Variants in KIF24 observed in about 807,000 individuals in gnomAD.
The protein encoded by KIF24 is kinesin-like protein KIF24.
KIF24 carries 81 observed loss-of-function variants against 118.9 expected under a neutral mutation model. The observed-to-expected ratio is 0.68, with a 90% CI of 0.57 to 0.82. KIF24 has a LOEUF of 0.82. KIF24 is among the 40% of genes least tolerant of loss of function. The pLI, the probability that KIF24 is intolerant of heterozygous loss-of-function variation, is 0.00. For synonymous variants in KIF24, 599 were observed against 610.0 expected (o/e 0.98, Z 0.27); for missense variants, 1,560 against 1,661.6 (o/e 0.94, Z 1.06).
chr9:34,301,997 CTTTTTTT>C (rs778142590), intron 3 of KIF24, among the ~76,000 whole-genome samples: 1 of 137,666 alleles, frequency 7.3e-6, no homozygotes, highest in East Asian at 2.1e-4. Flanking sequence ...ATTTTTTTTT[CTTTTTTT>C]TTTTTTTTGA....
chr9:34,306,199 A>T, intron 3 of KIF24, 53 bp downstream of exon 3: 2 of 1,276,618 alleles, frequency 1.6e-6, no homozygotes, highest in African/African-American at 1.5e-5. Context: ...AAAGCAAAAA[A>T]AAATGACATA....
intron 1 of KIF24, among the ~76,000 whole-genome samples, chr9:34,312,974 C>T (rs1837218224): frequency 6.6e-6 from 1 of 152,256 alleles, no homozygotes; most frequent in Non-Finnish European, 1.5e-5. Flanking sequence ...GCTGGGATTA[C>T]AGGCGTGAGC....
At chr9:34,302,524 G>A (rs1836759317) in intron 3 of KIF24, among the ~76,000 whole-genome samples, 1 of 150,884 alleles carries the variant, frequency 6.6e-6, no homozygotes, top group African/African-American at 2.4e-5. Flanking sequence ...GGAGTGCAGT[G>A]GCGCAATCTC....
rs759975125 is a variant in KIF24 at position 34,254,418 on chromosome 9, C to T, written c.4069G>A (p.Gly1357Arg). Residue 1357 changes from glycine (G) to arginine (R), a missense_variant, in exon 13 of 13, where the codon GGG becomes AGG. Gly to Arg is a moderately radical substitution (Grantham distance 125). Transcript: ENST00000402558. Reference sequence around the variant, plus strand: ...GTTCCCTCAGGGGCTGCGGTGGGCCCGTGGCAGGTGAGATAGAGCTGCAGC... The same window carrying T: ...GTTCCCTCAGGGGCTGCGGTGGGCCTGTGGCAGGTGAGATAGAGCTGCAGC... ...SQLQLYLTCH[G>R]PTAAPEGTVP... The T allele has an allele frequency of 5.0e-6, 8 of 1,613,644 alleles. No individual in the cohort carries two copies. The highest frequency in any genetic ancestry group is 4.5e-5 in the East Asian group (2 of 44,888).
intron 3 of KIF24, among the ~76,000 whole-genome samples, chr9:34,298,548 A>T (rs1836574544): frequency 1.3e-5 from 2 of 151,844 alleles, no homozygotes; most frequent in African/African-American, 4.8e-5. Flanking sequence ...CCATCTCAAA[A>T]AAAAAAAAAA....
chr9:34,311,284 G>A lies in KIF24; in HGVS notation c.63C>T (p.Phe21=). The A allele has an allele frequency of 6.2e-7, 1 of 1,611,578 alleles. No individual in the cohort carries two copies. Among genetic ancestry groups the A allele is most frequent in the Non-Finnish European group, 8.5e-7 (1 of 1,178,510 alleles). Residue 21 remains phenylalanine, a synonymous_variant, in exon 2 of 13, where the codon TTC becomes TTT. Transcript: ENST00000402558. The stretch of plus-strand genomic sequence containing the variant: ...CTATTTTCTGAAGGCCAAGGGCAGT[G>A]AAATGAGAATAATACTGTGCAAGTT... ...EAELAQYYSH[F]TALGLQKIDE... is the part of the protein sequence containing the mutation.
At chr9:34,258,065 C>T in intron 10 of KIF24, 84 bp from the exon 11 acceptor site, 2 of 1,032,416 alleles carry the variant, frequency 1.9e-6, no homozygotes, top group Admixed American at 2.3e-5. Flanking sequence ...AAACAAAAAC[C>T]AAAGAAAAGT....
At position 34,311,158 on chromosome 9, in the gene KIF24, A is replaced by T. The variant is rs777683378; in HGVS notation, c.189T>A (p.Ile63=). The T allele has an allele frequency of 1.9e-6, 3 of 1,613,522 alleles. No homozygotes were observed. The highest frequency in any genetic ancestry group is 1.7e-4 in the Middle Eastern group (1 of 6,060). Reference sequence around the variant, plus strand: ...TGACTGCTTTATCTTCTTCTTGCATAATCTTAATAATTTTGATAAGTTGGA... The same window carrying T: ...TGACTGCTTTATCTTCTTCTTGCATTATCTTAATAATTTTGATAAGTTGGA... ...RLFQLIKIIK[I]MQEEDKAVSI... is the part of the protein sequence containing the mutation. Residue 63 remains isoleucine (I), a synonymous_variant, in exon 2 of 13, where the codon ATT becomes ATA. Coordinates refer to ENST00000402558, the MANE Select transcript of KIF24 (RefSeq NM_194313.4).
chr9:34,306,881 C>T (rs1465793195), intron 2 of KIF24, among the ~76,000 whole-genome samples: 2 of 151,942 alleles, frequency 1.3e-5, no homozygotes, highest in Non-Finnish European at 2.9e-5. Flanking sequence ...AAAGTGTCAA[C>T]CCTGAGAAAG....
At chr9:34,319,004 G>A (rs1837425124) in intron 1 of KIF24, 2 of 1,228,714 alleles carry the variant, frequency 1.6e-6, no homozygotes, top group Admixed American at 3.4e-5. Context: ...CGCCCTGCTT[G>A]TCAACACCAT....
At chr9:34,332,042 C>T (rs1405169739), upstream of KIF24, among the ~76,000 whole-genome samples, 3 of 152,208 alleles carry the variant, frequency 2.0e-5, no homozygotes, top group Non-Finnish European at 4.4e-5. Flanking sequence ...TTGCAATAGA[C>T]TTGTAACTGG....
At chr9:34,258,628 C>T (rs939000783) in intron 10 of KIF24, among the ~76,000 whole-genome samples, 10 of 152,192 alleles carry the variant, frequency 6.6e-5, no homozygotes, top group Non-Finnish European at 1.5e-4. Context: ...ATGCAGGGCC[C>T]ACACTGCTTC....
At chr9:34,271,959 C>A in intron 6 of KIF24, 29 bp from the exon 7 acceptor site, 1 of 1,559,750 alleles carries the variant, frequency 6.4e-7, no homozygotes, top group East Asian at 2.4e-5. Context: ...GGATGACTTC[C>A]CCAAGGAGTA....
chr9:34,290,258 TG>T lies in KIF24; in HGVS notation c.1042del (p.Gln348SerfsTer24). ...KDIFRQLEVS[Q>X]PRKHLFVWIS... ...CCACACAAAGAGGTGCTTTCTTGGC[TG>T]GGACACTTCTAGTTGCCTGAAGATA... On this transcript the variant is annotated frameshift_variant, in exon 5 of 13. Transcript: ENST00000402558. LOFTEE classifies it high-confidence loss of function. 2 of 1,613,974 alleles carry T rather than the reference TG, an allele frequency of 1.2e-6. No individual in the cohort carries two copies. Among genetic ancestry groups the T allele is most frequent in the Non-Finnish European group, 1.7e-6 (2 of 1,179,864 alleles).
At chr9:34,270,637 G>T (rs552802859) in intron 7 of KIF24, among the ~76,000 whole-genome samples, 1 of 150,306 alleles carries the variant, frequency 6.7e-6, no homozygotes, top group East Asian at 2.0e-4. Context: ...CGGGGTGGAT[G>T]TGAGGGCGAT....
rs34101674 is a variant in KIF24, at chr9:34,256,377, G to T, written c.3230C>A (p.Thr1077Lys). 0.012 allele frequency: 18,816 copies of T among 1,613,876 alleles called. 171 individuals are homozygous for T. Among genetic ancestry groups the T allele is most frequent in the Middle Eastern group, 0.058 (353 of 6,062 alleles). ...TGTGCTCTCTGCCACTAGACTGTGC[G>T]TAGCCCCATCCTGGACCAGCTGCTC... ...PSEQLVQDGA[T>K]HSLVAESTGG... The change falls in exon 11 of 13, where the codon ACG becomes AAG. Residue 1077 changes from threonine to lysine, a missense_variant. This residue lies in a region of KIF24 where 591 missense variants were observed against 655.6 expected (regional missense o/e 0.90). Transcript: ENST00000402558.
chr9:34,318,958 G>A lies in KIF24; in HGVS notation c.-25-7587C>T. 1 of 1,456,272 alleles carries A rather than the reference G, an allele frequency of 6.9e-7. No homozygotes were observed. Among genetic ancestry groups the A allele is most frequent in the Non-Finnish European group, 9.6e-7 (1 of 1,042,680 alleles). 90.2% of individuals were successfully genotyped at this position (1,456,272 alleles called of 1,614,324 possible). A position where few individuals can be genotyped will look rare whatever the true frequency, so the allele number is the denominator to read the frequency against. ...CCGTGCAGACCACCGACGGCAAGCT[G>A]CCCAAGGTCACCAAGGACATGGAGT... On this transcript the variant is annotated intron_variant, in intron 1 of 12. Transcript: ENST00000402558. This position sits in a 1 kb window ranked among gnomAD's most constrained non-coding sequence, Gnocchi z 4.9.
chr9:34,262,712 A>ATATATATATATATATG (rs1278590736), intron 9 of KIF24, among the ~76,000 whole-genome samples: 8 of 50,258 alleles, frequency 1.6e-4, no homozygotes, highest in African/African-American at 6.2e-4. Flanking sequence ...ATATATATAT[A>ATATATATATATATATG]TGGCCAGGCA....
upstream of KIF24, among the ~76,000 whole-genome samples, chr9:34,333,127 A>C (rs958691689): frequency 6.6e-6 from 1 of 152,126 alleles, no homozygotes; most frequent in African/African-American, 2.4e-5. Flanking sequence ...TTAGGTTCCT[A>C]CTTCCCAGAA....
Sources: gnomAD v4.1 joint callset for allele counts (sites outside exome capture counted in the v4.1 genomes callset) on GRCh38, gnomAD v4.1.1 for gene constraint, gnomAD v4.1.1 regional missense constraint, Gnocchi (gnomAD v3.1) non-coding constraint, MANE v1.5 for transcripts, NCBI Gene and HGNC (gene_info 2026-07-23, HGNC 2026-07-21) for gene names.